PAK1: variants seen among roughly 807,000 people sequenced by gnomAD.
PAK1 encodes the protein p21 (RAC1) activated kinase 1.
Under a neutral mutation model 67.4 loss-of-function variants are expected in PAK1, and 29 were observed. That is an observed-to-expected ratio of 0.43 (90% CI 0.32 to 0.59). The LOEUF is 0.59. Among genes scored for constraint, PAK1 ranks in the 20% least tolerant of loss-of-function variants. PAK1 has a pLI of 0.07. For missense variants in PAK1, 337 were observed against 670.7 expected, an observed-to-expected ratio of 0.50 and a Z score of 5.50; for synonymous variants, 223 against 237.4, an observed-to-expected ratio of 0.94 and a Z score of 0.56.
At chr11:77,478,949 G>T (rs1958088704), upstream of PAK1, among the ~76,000 whole-genome samples, 1 of 151,434 alleles carries the variant, frequency 6.6e-6, no homozygotes, top group Admixed American at 6.6e-5. Flanking sequence ...GCTGGGCGTG[G>T]TGGCAGGCGC....
the PAK1 span, among the ~76,000 whole-genome samples, chr11:77,499,812 T>C: frequency 6.6e-6 from 1 of 151,700 alleles, no homozygotes; most frequent in African/African-American, 2.4e-5. Flanking sequence ...CACACACACA[T>C]ACACACACAG....
At chr11:77,452,047 A>T (rs1167100811) in intron 1 of PAK1, among the ~76,000 whole-genome samples, 4 of 152,226 alleles carry the variant, frequency 2.6e-5, no homozygotes, top group Non-Finnish European at 5.9e-5. Context: ...CAAAGAAAAA[A>T]CTACGTTCAC....
At chr11:77,377,133 G>C (rs565915236) in intron 4 of PAK1, among the ~76,000 whole-genome samples, 3 of 151,986 alleles carry the variant, frequency 2.0e-5, no homozygotes, top group Non-Finnish European at 4.4e-5. Context: ...AAATTAGCTG[G>C]GGGTGGTGGT....
At chr11:77,379,781 A>G (rs1263463839) in intron 3 of PAK1, 113 bp downstream of exon 3, 1 of 753,780 alleles carries the variant, frequency 1.3e-6, no homozygotes, top group Admixed American at 2.8e-5. Context: ...GAAAATTGTA[A>G]TCAGGGTCTC....
intron 1 of PAK1, among the ~76,000 whole-genome samples, chr11:77,404,430 G>C (rs944431015): frequency 1.3e-5 from 2 of 152,050 alleles, no homozygotes; most frequent in Admixed American, 6.5e-5. Context: ...ACCACACCAG[G>C]CTAATTTTTT....
chr11:77,364,802 A>T (rs2136722182), intron 5 of PAK1, among the ~76,000 whole-genome samples: 1 of 152,344 alleles, frequency 6.6e-6, no homozygotes, highest in Admixed American at 6.5e-5. Context: ...ATGTTTAAAG[A>T]GTTTTAAGAA....
At chr11:77,342,726 G>A (rs1764168270) in intron 10 of PAK1, among the ~76,000 whole-genome samples, 1 of 152,112 alleles carries the variant, frequency 6.6e-6, no homozygotes, top group Non-Finnish European at 1.5e-5. Context: ...GCTTACTAGT[G>A]TTTTAGATGC....
At chr11:77,437,169 A>G (rs1956162682) in intron 1 of PAK1, among the ~76,000 whole-genome samples, 1 of 152,220 alleles carries the variant, frequency 6.6e-6, no homozygotes, top group South Asian at 2.1e-4. Context: ...CAACAGATCT[A>G]TGCCTATCTG....
the PAK1 span, among the ~76,000 whole-genome samples, chr11:77,480,800 A>C: frequency 2.6e-5 from 4 of 152,314 alleles, no homozygotes; most frequent in Non-Finnish European, 5.9e-5. Flanking sequence ...CTGGGATTAC[A>C]GGCGTGAGCC....
At chr11:77,433,139 A>T (rs1592454394) in intron 1 of PAK1, among the ~76,000 whole-genome samples, 2 of 152,204 alleles carry the variant, frequency 1.3e-5, no homozygotes, top group African/African-American at 4.8e-5. Flanking sequence ...CTGGATATAA[A>T]CATGCAAAAG....
At chr11:77,520,582 C>T in the PAK1 span, among the ~76,000 whole-genome samples, 1 of 152,168 alleles carries the variant, frequency 6.6e-6, no homozygotes, top group South Asian at 2.1e-4. Context: ...CAAGCCCAAT[C>T]CTAAGCCAAC....
At chr11:77,529,402 T>C in the PAK1 span, among the ~76,000 whole-genome samples, 1 of 152,260 alleles carries the variant, frequency 6.6e-6, no homozygotes, top group Non-Finnish European at 1.5e-5. Flanking sequence ...AGTCTTGATA[T>C]ATGCCTCAGT....
intron 1 of PAK1, among the ~76,000 whole-genome samples, chr11:77,469,450 T>C (rs534476608): frequency 6.6e-6 from 1 of 152,324 alleles, no homozygotes; most frequent in South Asian, 2.1e-4. Context: ...ATTATACTTT[T>C]CAAAGATTCC....
intron 1 of PAK1, among the ~76,000 whole-genome samples, chr11:77,434,671 T>G (rs1189074851): frequency 3.3e-5 from 5 of 151,812 alleles, no homozygotes; most frequent in African/African-American, 1.2e-4. Context: ...CAGGCTGGAG[T>G]GCAGTAGCAT....
chr11:77,501,155 A>AAAAAAAC, the PAK1 span, among the ~76,000 whole-genome samples: 52,515 of 148,356 alleles, frequency 0.35, 10,076 homozygotes, highest in East Asian at 0.48. Flanking sequence ...CGTCTCAAAA[A>AAAAAAAC]AAAAAACAAA....
At chr11:77,511,824 G>A in the PAK1 span, among the ~76,000 whole-genome samples, 3 of 152,180 alleles carry the variant, frequency 2.0e-5, no homozygotes, top group African/African-American at 7.2e-5. Flanking sequence ...AGCTCAGAGT[G>A]GGGGTAGTCT....
At position 77,330,607 on chromosome 11, in the gene PAK1, T is replaced by C. The variant is rs1371406595; in HGVS notation, c.1551+2123A>G. Among the ~76,000 whole-genome samples the C allele has an allele frequency of 4.6e-5, 7 of 152,344 alleles. No individual in the cohort carries two copies. The South Asian group carries it at 6.2e-4, about 14-fold the overall frequency. ...ATGTAGAAAGCTGAAACTGGATCCC[T>C]TCCTTACACCTTATACAAAAATTAA... is the stretch of plus-strand genomic sequence containing the variant. On this transcript the variant is annotated intron_variant, in intron 14 of 14. Transcript: ENST00000356341.
chr11:77,499,400 T>C, the PAK1 span, among the ~76,000 whole-genome samples: 1 of 152,174 alleles, frequency 6.6e-6, no homozygotes, highest in Admixed American at 6.5e-5. Context: ...CTTCCACATG[T>C]ATACATGTAA....
At chr11:77,395,627 C>T (rs1455643254) in intron 1 of PAK1, among the ~76,000 whole-genome samples, 4 of 152,080 alleles carry the variant, frequency 2.6e-5, no homozygotes, top group Non-Finnish European at 4.4e-5. Flanking sequence ...CACACCCCAA[C>T]GTGTTTCCTG....
Sources: gnomAD v4.1 joint callset for allele counts (sites outside exome capture counted in the v4.1 genomes callset) on GRCh38, gnomAD v4.1.1 for gene constraint, MANE v1.5 for transcripts, NCBI Gene and HGNC (gene_info 2026-07-23, HGNC 2026-07-21) for gene names.